GRIK4: variants seen among roughly 807,000 people sequenced by gnomAD.
The protein encoded by GRIK4 is glutamate ionotropic receptor kainate type subunit 4, also known as glutamate receptor ionotropic, kainate 4.
Under a neutral mutation model 104.9 loss-of-function variants are expected in GRIK4, and 40 were observed. That is an observed-to-expected ratio of 0.38 (90% CI 0.30 to 0.50). GRIK4 has a LOEUF of 0.50. Among genes scored for constraint, GRIK4 ranks in the 20% least tolerant of loss-of-function variants. The probability of loss-of-function intolerance (pLI) is 0.93; values close to 1 mark genes in which losing one functional copy is unlikely to be tolerated. For synonymous variants in GRIK4, 485 were observed against 524.9 expected, an observed-to-expected ratio of 0.92 and a Z score of 1.04; for missense variants, 1,047 against 1,308.1, an observed-to-expected ratio of 0.80 and a Z score of 3.08.
intron 3 of GRIK4, among the ~76,000 whole-genome samples, chr11:120,786,469 A>G (rs149249584): frequency 1.4e-4 from 21 of 152,232 alleles, no homozygotes; most frequent in African/African-American, 4.8e-4. Context: ...TCCAGTGGAA[A>G]AGGCCCAGTC....
intron 3 of GRIK4, among the ~76,000 whole-genome samples, chr11:120,781,438 C>A (rs1285158481): frequency 6.6e-6 from 1 of 152,194 alleles, no homozygotes; most frequent in Non-Finnish European, 1.5e-5. Flanking sequence ...ACAGCCTCAA[C>A]TTCTTGGGCT....
At chr11:120,565,972 A>G (rs1001281412) in intron 1 of GRIK4, among the ~76,000 whole-genome samples, 3 of 152,186 alleles carry the variant, frequency 2.0e-5, no homozygotes, top group African/African-American at 7.2e-5. Context: ...GGATGATGCT[A>G]TGTTTCCTAC....
intron 2 of GRIK4, among the ~76,000 whole-genome samples, chr11:120,654,416 T>TG (rs1421258811): frequency 6.6e-6 from 1 of 152,206 alleles, no homozygotes; most frequent in Non-Finnish European, 1.5e-5. Context: ...CAGGGTGAAG[T>TG]GCAGTGGTGT....
chr11:120,749,815 G>A (rs1001305669), intron 3 of GRIK4, among the ~76,000 whole-genome samples: 2 of 152,104 alleles, frequency 1.3e-5, no homozygotes, highest in Non-Finnish European at 2.9e-5. Flanking sequence ...CGGTGGGCGG[G>A]GGGAAGTTTC....
At chr11:120,623,442 C>T (rs1183596560) in intron 1 of GRIK4, among the ~76,000 whole-genome samples, 1 of 151,898 alleles carries the variant, frequency 6.6e-6, no homozygotes, top group East Asian at 1.9e-4. Context: ...CCCCTGTACT[C>T]TTTAGGTGTG....
intron 14 of GRIK4, among the ~76,000 whole-genome samples, chr11:120,949,867 G>C (rs1943956373): frequency 1.3e-5 from 2 of 152,182 alleles, no homozygotes; most frequent in Non-Finnish European, 2.9e-5. Context: ...TGTCAGTATG[G>C]AAAATTGGGT....
chr11:120,690,427 C>T (rs1950339970), intron 3 of GRIK4, among the ~76,000 whole-genome samples: 1 of 152,234 alleles, frequency 6.6e-6, no homozygotes, highest in South Asian at 2.1e-4. Flanking sequence ...GGGGCTGAAA[C>T]CTGTGACCCT....
chr11:120,980,554 A>G (rs1356681464), intron 19 of GRIK4, among the ~76,000 whole-genome samples: 1 of 152,062 alleles, frequency 6.6e-6, no homozygotes, highest in Non-Finnish European at 1.5e-5. Context: ...ATGTGGGTGC[A>G]TTTTCTTCTA....
chr11:120,518,986 T>C (rs1947763668), intron 1 of GRIK4, among the ~76,000 whole-genome samples: 1 of 152,148 alleles, frequency 6.6e-6, no homozygotes, highest in African/African-American at 2.4e-5. Context: ...AAGAGATGCT[T>C]CAACAAATTG....
chr11:120,896,417 G>C (rs1399172952), intron 11 of GRIK4, among the ~76,000 whole-genome samples: 1 of 152,248 alleles, frequency 6.6e-6, no homozygotes, highest in Non-Finnish European at 1.5e-5. Flanking sequence ...AACACACACA[G>C]AACCATGCTG....
At chr11:120,750,195 T>C (rs1951522772) in intron 3 of GRIK4, among the ~76,000 whole-genome samples, 1 of 152,004 alleles carries the variant, frequency 6.6e-6, no homozygotes, top group Non-Finnish European at 1.5e-5. Context: ...AGAGGGGGTG[T>C]TAAGCCTGAG....
chr11:120,782,543 C>T (rs947071521), intron 3 of GRIK4, among the ~76,000 whole-genome samples: 23 of 152,122 alleles, frequency 1.5e-4, no homozygotes, highest in Non-Finnish European at 2.6e-4. Flanking sequence ...CCTTGGCCTC[C>T]CAAAGTGCTG....
At chr11:120,749,193 C>G (rs993673393) in intron 3 of GRIK4, among the ~76,000 whole-genome samples, 2 of 152,038 alleles carry the variant, frequency 1.3e-5, no homozygotes, top group African/African-American at 4.8e-5. Flanking sequence ...ACATTCCCCC[C>G]ACCCCATCCC....
Position 120,967,977 on chromosome 11 carries a change from A to G in GRIK4, c.2395+654A>G, listed in dbSNP as rs146652517. On this transcript the variant is annotated intron_variant, in intron 19 of 20. Coordinates refer to ENST00000527524, the MANE Select transcript of GRIK4 (RefSeq NM_014619.5). This position sits in a 1 kb window ranked among gnomAD's most constrained non-coding sequence, Gnocchi z 4.2. ...AACCCCACCTTATTTCCCTTCTCAG[A>G]CCTCATCGCTACCTGATATTATATT... 5.9e-4 allele frequency among the ~76,000 whole-genome samples: 89 copies of G among 151,812 alleles called. No homozygotes were observed. Among genetic ancestry groups the G allele is most frequent in the Non-Finnish European group, 1.1e-3 (76 of 67,946 alleles).
chr11:120,954,825 AC>A (rs1944101643), intron 15 of GRIK4, among the ~76,000 whole-genome samples: 25 of 26,568 alleles, frequency 9.4e-4, no homozygotes, highest in African/African-American at 4.1e-3. Context: ...ACACACACAC[AC>A]ACACAAACAA....
chr11:120,612,559 C>T (rs1949050920), intron 1 of GRIK4, among the ~76,000 whole-genome samples: 1 of 151,738 alleles, frequency 6.6e-6, no homozygotes, highest in Admixed American at 6.6e-5. Flanking sequence ...AAAGAATTGA[C>T]TAAGCCTGAG....
chr11:120,737,708 C>A (rs1036068236), intron 3 of GRIK4, among the ~76,000 whole-genome samples: 12 of 151,982 alleles, frequency 7.9e-5, no homozygotes, highest in East Asian at 1.9e-4. Flanking sequence ...AGAAAAAAAA[C>A]CACAAGGAAG....
chr11:120,528,637 C>T (rs1591675866), intron 1 of GRIK4, among the ~76,000 whole-genome samples: 2 of 152,304 alleles, frequency 1.3e-5, no homozygotes. Context: ...TTCCACGTGG[C>T]TGGGGAGGCC....
At chr11:120,676,782 A>G (rs1490897052) in intron 3 of GRIK4, among the ~76,000 whole-genome samples, 1 of 152,258 alleles carries the variant, frequency 6.6e-6, no homozygotes, top group Admixed American at 6.5e-5. Context: ...TGATGGGGAC[A>G]AACAAACCAT....
Sources: allele counts gnomAD v4.1 joint callset (sites outside exome capture counted in the v4.1 genomes callset), GRCh38; gene constraint gnomAD v4.1.1; non-coding constraint Gnocchi (gnomAD v3.1); transcripts MANE v1.5; gene names NCBI Gene and HGNC (gene_info 2026-07-23, HGNC 2026-07-21).